The following ZMYND11 variants were observed in gnomAD, a reference collection of about 807,000 sequenced individuals.
ZMYND11 encodes the protein zinc finger MYND-type containing 11.
ZMYND11 carries 9 observed loss-of-function variants against 84.9 expected under a neutral mutation model. That is an observed-to-expected ratio of 0.11 (90% CI 0.06 to 0.18). ZMYND11 has a LOEUF of 0.18. Ranked by LOEUF, ZMYND11 falls within the 10% of genes least tolerant of loss-of-function variation. ZMYND11 has a pLI of 1.00. For missense variants in ZMYND11, 409 were observed against 761.0 expected (o/e 0.54, Z 5.44); for synonymous variants, 250 against 244.1 (o/e 1.02, Z -0.23).
intron 2 of ZMYND11, among the ~76,000 whole-genome samples, chr10:188,641 T>C (rs985675151): frequency 7.2e-5 from 11 of 152,082 alleles, no homozygotes; most frequent in African/African-American, 2.7e-4. Flanking sequence ...CTCATTGTCA[T>C]GTTATTTCTC....
chr10:164,630 C>T (rs1843593903), intron 1 of ZMYND11, among the ~76,000 whole-genome samples: 1 of 152,168 alleles, frequency 6.6e-6, no homozygotes, highest in South Asian at 2.1e-4. Context: ...ACTCAGATTC[C>T]ATTTGTCAAA....
chr10:156,787 G>A (rs1841815175), intron 1 of ZMYND11, among the ~76,000 whole-genome samples: 1 of 152,114 alleles, frequency 6.6e-6, no homozygotes, highest in African/African-American at 2.4e-5. Flanking sequence ...ACATATCCAG[G>A]TCATGATTCT....
chr10:211,228 T>C (rs764089400), intron 3 of ZMYND11, among the ~76,000 whole-genome samples: 4 of 151,708 alleles, frequency 2.6e-5, no homozygotes, highest in Non-Finnish European at 5.9e-5. Flanking sequence ...TCTATAGATA[T>C]CTTTTTCTTA....
At chr10:239,613 T>C in intron 7 of ZMYND11, 88 bp downstream of exon 7, 1 of 930,806 alleles carries the variant, frequency 1.1e-6, no homozygotes, top group South Asian at 1.5e-5. Context: ...AACATTACTT[T>C]CAAAGAATTA....
Position 228,839 on chromosome 10 carries a change from G to A in ZMYND11, c.438+7483G>A, listed in dbSNP as rs375147259. Reference sequence around the variant, plus strand: ...TTCCTAAGTCATATAGCAAGCCACCGAGGGGCTTAAAGTTACCAGAAAAAG... The same window carrying A: ...TTCCTAAGTCATATAGCAAGCCACCAAGGGGCTTAAAGTTACCAGAAAAAG... On this transcript the variant is annotated intron_variant, in intron 4 of 14. Coordinates refer to ENST00000381604, the MANE Select transcript of ZMYND11 (RefSeq NM_001370100.5). Among the ~76,000 whole-genome samples the A allele has an allele frequency of 5.9e-5, 9 of 152,196 alleles. No individual in the cohort carries two copies. In the South Asian group the frequency reaches 8.3e-4, roughly 14 times the overall value.
chr10:151,158 A>T (rs748225444), intron 1 of ZMYND11, among the ~76,000 whole-genome samples: 5 of 152,142 alleles, frequency 3.3e-5, no homozygotes, highest in Non-Finnish European at 7.3e-5. Flanking sequence ...AAATCAGAGC[A>T]CCTCTCCCCC....
intron 1 of ZMYND11, among the ~76,000 whole-genome samples, chr10:175,566 C>T (rs181669010): frequency 6.6e-6 from 1 of 151,872 alleles, no homozygotes; most frequent in Admixed American, 6.6e-5. Context: ...CGAAACTCCG[C>T]CTCAAAAAAT....
intron 4 of ZMYND11, among the ~76,000 whole-genome samples, chr10:230,503 T>A (rs761844565): frequency 3.9e-3 from 461 of 119,004 alleles, no homozygotes; most frequent in Middle Eastern, 0.037. Context: ...AAAAAAAAAC[T>A]ACAGCCTCCA....
chr10:240,162 T>G, intron 8 of ZMYND11, 51 bp downstream of exon 8: 2 of 1,381,502 alleles, frequency 1.4e-6, no homozygotes, highest in Non-Finnish European at 2.0e-6. Context: ...GAAATTAATT[T>G]ATTTCAGGAT....
chr10:162,382 G>T (rs1334282145), intron 1 of ZMYND11, among the ~76,000 whole-genome samples: 2 of 151,776 alleles, frequency 1.3e-5, no homozygotes, highest in Non-Finnish European at 2.9e-5. Flanking sequence ...CATGAACTGG[G>T]CATACGCTGT....
chr10:241,649 A>C (rs1037514503), intron 9 of ZMYND11, among the ~76,000 whole-genome samples: 3 of 152,222 alleles, frequency 2.0e-5, no homozygotes, highest in African/African-American at 7.2e-5. Context: ...TGGCTGCCTG[A>C]GAGAAGCCAG....
At chr10:186,078 C>T (rs979370079) in intron 2 of ZMYND11, among the ~76,000 whole-genome samples, 2 of 150,908 alleles carry the variant, frequency 1.3e-5, no homozygotes, top group Non-Finnish European at 2.9e-5. Context: ...GGAGCGATCT[C>T]GGCTCACTGC....
chr10:240,470 C>T (rs1044642312), intron 8 of ZMYND11, among the ~76,000 whole-genome samples: 4 of 152,174 alleles, frequency 2.6e-5, no homozygotes, highest in Non-Finnish European at 5.9e-5. Context: ...CGCCACTGCA[C>T]CCCAGCCTGG....
intron 9 of ZMYND11, among the ~76,000 whole-genome samples, chr10:241,668 A>T (rs1249153973): frequency 6.6e-6 from 1 of 152,236 alleles, no homozygotes; most frequent in East Asian, 1.9e-4. Context: ...AGCCCTGTGA[A>T]GACAGTACTG....
At chr10:174,779 G>A (rs1241176452) in intron 1 of ZMYND11, among the ~76,000 whole-genome samples, 25 of 151,728 alleles carry the variant, frequency 1.6e-4, no homozygotes, top group African/African-American at 5.3e-4. Context: ...GCACATGCTT[G>A]TCATTCATAC....
chr10:211,000 A>T (rs1418091774), intron 3 of ZMYND11, among the ~76,000 whole-genome samples: 1 of 151,808 alleles, frequency 6.6e-6, no homozygotes, highest in Non-Finnish European at 1.5e-5. Context: ...CTCTACAAAA[A>T]AAAATAAAAT....
chr10:172,239 T>C (rs186040354), intron 1 of ZMYND11, among the ~76,000 whole-genome samples: 283 of 152,270 alleles, frequency 1.9e-3, no homozygotes, highest in Middle Eastern at 3.4e-3. Flanking sequence ...ACATTCAAAC[T>C]GCAGTACTAG....
Position 160,608 on chromosome 10 carries a change from C to G in ZMYND11, c.-19-19386C>G, listed in dbSNP as rs1293703829. 2.0e-5 allele frequency among the ~76,000 whole-genome samples: 3 copies of G among 152,156 alleles called. No homozygotes were observed. In the East Asian group the frequency reaches 5.8e-4, roughly 29 times the overall value. On this transcript the variant is annotated intron_variant, in intron 1 of 14. Transcript: ENST00000381604. ...TCTTTTCAAAATTGGAGTCACTCGTCTCCAACCCTACTGCTGCTTTATCAA... is the reference window on the plus strand; with the variant it reads ...TCTTTTCAAAATTGGAGTCACTCGTGTCCAACCCTACTGCTGCTTTATCAA...
At chr10:222,676 A>G (rs1304491378) in intron 4 of ZMYND11, among the ~76,000 whole-genome samples, 1 of 151,928 alleles carries the variant, frequency 6.6e-6, no homozygotes, top group African/African-American at 2.4e-5. Flanking sequence ...ATAGAAGTTT[A>G]CCCTAGGGGA....
Sources: allele counts gnomAD v4.1 joint callset (sites outside exome capture counted in the v4.1 genomes callset), GRCh38; gene constraint gnomAD v4.1.1; transcripts MANE v1.5; gene names NCBI Gene and HGNC (gene_info 2026-07-23, HGNC 2026-07-21).